The following KLHL1 variants were observed in gnomAD, a reference collection of about 807,000 sequenced individuals.
KLHL1 encodes the protein kelch like family member 1, also known as kelch-like protein 1.
Under a neutral mutation model 77.7 loss-of-function variants are expected in KLHL1, and 47 were observed. The ratio of observed to expected loss-of-function variants is 0.60; its 90% CI spans 0.48 to 0.77. The LOEUF is 0.77. Ranked by LOEUF, KLHL1 falls within the 30% of genes least tolerant of loss-of-function variation. The pLI, the probability that KLHL1 is intolerant of heterozygous loss-of-function variation, is 0.00. For synonymous variants in KLHL1, 360 were observed against 325.2 expected, an observed-to-expected ratio of 1.11 and a Z score of -1.15; for missense variants, 925 against 910.8, an observed-to-expected ratio of 1.02 and a Z score of -0.20.
intron 6 of KLHL1, among the ~76,000 whole-genome samples, chr13:69,835,077 C>G (rs895045386): frequency 6.6e-6 from 1 of 151,968 alleles, no homozygotes; most frequent in Non-Finnish European, 1.5e-5. Flanking sequence ...ATGAGTCTAC[C>G]TTACAAATAT....
chr13:69,882,299 G>T lies in KLHL1; in HGVS notation c.1211C>A (p.Pro404Gln). ...CATCATTACCTGTGGTGGAAGCAGT[G>T]GCAGTCTTATAAAGGCAAGAAGCAT... ...LSMLLAFIRL[P>Q]LLPPQILADL... The change falls in exon 5 of 11, where the codon CCA becomes CAA. Residue 404 changes from proline to glutamine, a missense_variant. Pro to Gln is a moderately conservative substitution (Grantham distance 76). Transcript: ENST00000377844. The T allele has an allele frequency of 6.2e-7, 1 of 1,611,562 alleles. No homozygotes were observed. The highest frequency in any genetic ancestry group is 8.5e-7 in the Non-Finnish European group (1 of 1,177,716).
At chr13:70,098,249 A>G (rs2137450903) in intron 1 of KLHL1, among the ~76,000 whole-genome samples, 1 of 151,930 alleles carries the variant, frequency 6.6e-6, no homozygotes, top group Non-Finnish European at 1.5e-5. Context: ...TGGTGACCTC[A>G]TGTTCTTCAT....
chr13:69,806,861 G>A (rs1304869225), intron 6 of KLHL1, among the ~76,000 whole-genome samples: 1 of 152,140 alleles, frequency 6.6e-6, no homozygotes, highest in Non-Finnish European at 1.5e-5. Flanking sequence ...GATCCAAGGA[G>A]GAACAGGGGA....
At chr13:69,929,156 C>G (rs925767889) in intron 4 of KLHL1, among the ~76,000 whole-genome samples, 1 of 151,942 alleles carries the variant, frequency 6.6e-6, no homozygotes, top group Non-Finnish European at 1.5e-5. Flanking sequence ...CACAAAGGAC[C>G]ATTTTGGCGA....
chr13:70,040,312 G>C (rs1886343986), intron 1 of KLHL1, among the ~76,000 whole-genome samples: 2 of 152,178 alleles, frequency 1.3e-5, no homozygotes, highest in South Asian at 4.1e-4. Flanking sequence ...GGAGAAAGAA[G>C]AGAGGGAGTG....
intron 7 of KLHL1, among the ~76,000 whole-genome samples, chr13:69,778,742 A>G (rs1268188806): frequency 2.6e-5 from 4 of 151,576 alleles, no homozygotes; most frequent in Non-Finnish European, 5.9e-5. Context: ...AGTGTATAAA[A>G]CTAGTGTTTA....
chr13:70,068,107 C>A (rs548716364), intron 1 of KLHL1, among the ~76,000 whole-genome samples: 1 of 150,676 alleles, frequency 6.6e-6, no homozygotes, highest in Non-Finnish European at 1.5e-5. Context: ...TTTGGGAGGC[C>A]GAGGCGGGCG....
chr13:69,833,957 C>G (rs1049424464), intron 6 of KLHL1, among the ~76,000 whole-genome samples: 5 of 151,734 alleles, frequency 3.3e-5, no homozygotes, highest in Non-Finnish European at 7.4e-5. Context: ...AGTTAAAGAC[C>G]ATTACTCCCA....
At position 69,817,359 on chromosome 13, in the gene KLHL1, T is replaced by C. The variant is rs77199265; in HGVS notation, c.1415-20397A>G. On this transcript the variant is annotated intron_variant, in intron 6 of 10. Transcript: ENST00000377844. ...TCTTTGCAGACATGTAGTAAAAGAA[T>C]ATGAGGTTCCAGTGATCTCCACCTA... Among the ~76,000 whole-genome samples the C allele has an allele frequency of 6.6e-3, 1,009 of 152,324 alleles. 22 individuals are homozygous for C. Among genetic ancestry groups the C allele is most frequent in the African/African-American group, 0.023 (966 of 41,570 alleles).
In KLHL1 at chr13:69,968,544, A is replaced by T. The variant is rs914055673; in HGVS notation, c.680+7076T>A. ...TGAAGGTATTATGGGTTGAAATTTA[A>T]AAAAAAAAAAGAAATTGAAGGTATT... On this transcript the variant is annotated intron_variant, in intron 2 of 10. Coordinates refer to ENST00000377844, the MANE Select transcript of KLHL1 (RefSeq NM_020866.3). Among the ~76,000 whole-genome samples, 60 of 24,606 alleles carry T rather than the reference A, an allele frequency of 2.4e-3. 2 individuals are homozygous for T. The East Asian group carries it at 0.046, about 19-fold the overall frequency. 16.1% of individuals were successfully genotyped at this position (24,606 alleles called of 152,430 possible).
At chr13:69,962,800 G>A (rs189876252) in intron 2 of KLHL1, among the ~76,000 whole-genome samples, 312 of 152,056 alleles carry the variant, frequency 2.1e-3, no homozygotes, top group Non-Finnish European at 3.6e-3. Flanking sequence ...CATAATATGA[G>A]CTGGGAGCTA....
chr13:70,091,125 C>T (rs1236819280), intron 1 of KLHL1, among the ~76,000 whole-genome samples: 1 of 152,042 alleles, frequency 6.6e-6, no homozygotes, highest in African/African-American at 2.4e-5. Flanking sequence ...ATTCTGTTTT[C>T]TATCATCCTT....
intron 5 of KLHL1, among the ~76,000 whole-genome samples, chr13:69,878,724 AGAGAGAGAGAGT>A (rs1252707100): frequency 1.3e-5 from 2 of 151,878 alleles, no homozygotes; most frequent in African/African-American, 4.8e-5. Context: ...AGAGAGAGAG[AGAGAGAGAGAGT>A]GAGAGAGAGA....
intron 7 of KLHL1, 41 bp downstream of exon 7, chr13:69,796,697 A>C: frequency 7.4e-7 from 1 of 1,353,674 alleles, no homozygotes; most frequent in Non-Finnish European, 1.1e-6. Flanking sequence ...CATTATCAAT[A>C]ACATGTTTCT....
chr13:69,810,256 TGA>T (rs1262601469), intron 6 of KLHL1, among the ~76,000 whole-genome samples: 4 of 152,082 alleles, frequency 2.6e-5, no homozygotes, highest in African/African-American at 7.2e-5. Flanking sequence ...TGTCTTCATA[TGA>T]AACATATGCT....
chr13:70,058,597 A>G (rs1782408912), intron 1 of KLHL1, among the ~76,000 whole-genome samples: 1 of 152,218 alleles, frequency 6.6e-6, no homozygotes, highest in Admixed American at 6.5e-5. Context: ...AAAATATTGC[A>G]TGTCCATGGA....
At chr13:69,951,928 T>C (rs1359777253) in intron 3 of KLHL1, among the ~76,000 whole-genome samples, 4 of 151,420 alleles carry the variant, frequency 2.6e-5, no homozygotes, top group African/African-American at 9.7e-5. Context: ...ACAGAATTTC[T>C]GATAAGTATG....
intron 6 of KLHL1, among the ~76,000 whole-genome samples, chr13:69,812,527 G>A (rs1877927169): frequency 6.6e-6 from 1 of 152,128 alleles, no homozygotes; most frequent in South Asian, 2.1e-4. Context: ...TACCATCAGA[G>A]TGAACAGCAA....
intron 1 of KLHL1, among the ~76,000 whole-genome samples, chr13:70,081,972 G>C (rs1887402529): frequency 6.6e-6 from 1 of 152,108 alleles, no homozygotes; most frequent in South Asian, 2.1e-4. Flanking sequence ...TGGTGGATTG[G>C]ATCATGGGGA....
Sources: allele counts gnomAD v4.1 joint callset (sites outside exome capture counted in the v4.1 genomes callset), GRCh38; gene constraint gnomAD v4.1.1; transcripts MANE v1.5; gene names NCBI Gene and HGNC (gene_info 2026-07-23, HGNC 2026-07-21).